Variants in PIGK observed in about 807,000 individuals in gnomAD.
PIGK encodes phosphatidylinositol glycan anchor biosynthesis class K, also known as GPI-anchor transamidase.
PIGK carries 42 observed loss-of-function variants against 50.6 expected under a neutral mutation model. The ratio of observed to expected loss-of-function variants is 0.83; its 90% CI spans 0.65 to 1.07. The LOEUF (loss-of-function observed/expected upper bound fraction) is 1.07. PIGK is among the 50% of genes least tolerant of loss of function. The probability of loss-of-function intolerance (pLI) is 0.00; values close to 1 mark genes in which losing one functional copy is unlikely to be tolerated. For missense variants in PIGK, 448 were observed against 488.7 expected (o/e 0.92, Z 0.78); for synonymous variants, 151 against 156.0 (o/e 0.97, Z 0.24).
chr1:77,150,239 T>C (rs1654864412), intron 9 of PIGK, among the ~76,000 whole-genome samples: 1 of 151,902 alleles, frequency 6.6e-6, no homozygotes, highest in African/African-American at 2.4e-5. Flanking sequence ...AGGATCAGAC[T>C]GGGCGCAGTG....
chr1:77,213,987 G>C (rs55806608), intron 1 of PIGK, among the ~76,000 whole-genome samples: 1,734 of 152,224 alleles, frequency 0.011, 35 homozygotes, highest in African/African-American at 0.039. Flanking sequence ...GAATCAGGAA[G>C]AAAGAGAAAC....
chr1:77,134,322 A>G (rs920084938), intron 9 of PIGK, among the ~76,000 whole-genome samples: 5 of 152,230 alleles, frequency 3.3e-5, no homozygotes, highest in Admixed American at 3.3e-4. Flanking sequence ...CAGTAATACA[A>G]GACTAGTAAA....
At chr1:77,166,087 T>C (rs1194493380) in intron 5 of PIGK, among the ~76,000 whole-genome samples, 1 of 152,120 alleles carries the variant, frequency 6.6e-6, no homozygotes, top group African/African-American at 2.4e-5. Flanking sequence ...AGAAAAAGTA[T>C]TAAGAACTAA....
chr1:77,134,462 T>C (rs1401516011), intron 9 of PIGK, among the ~76,000 whole-genome samples: 1 of 152,082 alleles, frequency 6.6e-6, no homozygotes, highest in African/African-American at 2.4e-5. Flanking sequence ...AGGAAAGTTA[T>C]TTTGAGTGAA....
At chr1:77,107,747 G>T (rs1360891524) in intron 10 of PIGK, among the ~76,000 whole-genome samples, 4 of 152,054 alleles carry the variant, frequency 2.6e-5, no homozygotes, top group African/African-American at 9.7e-5. Context: ...GGTCTCTAAC[G>T]ACTTGCTTTA....
intron 5 of PIGK, among the ~76,000 whole-genome samples, chr1:77,165,778 A>G (rs554942565): frequency 6.6e-6 from 1 of 152,284 alleles, no homozygotes; most frequent in Admixed American, 6.5e-5. Flanking sequence ...GAGAAGAGAA[A>G]TATCTTTAGA....
At chr1:77,098,015 T>C (rs1228551162) in intron 10 of PIGK, among the ~76,000 whole-genome samples, 2 of 152,040 alleles carry the variant, frequency 1.3e-5, no homozygotes, top group African/African-American at 4.8e-5. Context: ...AATGCAAGTG[T>C]AGAAAGACGA....
intron 3 of PIGK, among the ~76,000 whole-genome samples, chr1:77,186,018 A>G (rs1344771336): frequency 6.6e-6 from 1 of 152,212 alleles, no homozygotes; most frequent in Admixed American, 6.5e-5. Flanking sequence ...CCAGCCATAA[A>G]GTAGGTCATG....
At chr1:77,164,531 A>G (rs917013646) in intron 5 of PIGK, among the ~76,000 whole-genome samples, 7 of 152,156 alleles carry the variant, frequency 4.6e-5, no homozygotes, top group Admixed American at 4.6e-4. Context: ...GGTACTTTCA[A>G]CTGGGCATGA....
intron 8 of PIGK, among the ~76,000 whole-genome samples, chr1:77,159,077 G>C (rs1655075506): frequency 6.6e-6 from 1 of 152,060 alleles, no homozygotes; most frequent in South Asian, 2.1e-4. Context: ...GATTTTGTGG[G>C]CTGGGCCTAG....
chr1:77,195,097 G>A, intron 3 of PIGK: 2 of 1,075,100 alleles, frequency 1.9e-6, no homozygotes, highest in Non-Finnish European at 2.8e-6. Flanking sequence ...AGACTGGTGA[G>A]GTGTGGTCAT....
intron 1 of PIGK, among the ~76,000 whole-genome samples, chr1:77,211,111 A>G (rs1173697774): frequency 1.3e-5 from 2 of 151,984 alleles, no homozygotes; most frequent in Non-Finnish European, 2.9e-5. Context: ...ATCTTCTTAC[A>G]TTATATATAT....
intron 10 of PIGK, among the ~76,000 whole-genome samples, chr1:77,118,227 T>C (rs763959375): frequency 2.0e-5 from 3 of 152,300 alleles, no homozygotes; most frequent in African/African-American, 4.8e-5. Flanking sequence ...CACTTTGATA[T>C]CTGCCTTTTC....
At chr1:77,123,883 G>A (rs967902633) in intron 9 of PIGK, among the ~76,000 whole-genome samples, 2 of 152,048 alleles carry the variant, frequency 1.3e-5, no homozygotes, top group African/African-American at 2.4e-5. Flanking sequence ...CTTAGAACGT[G>A]ACTGTATTTG....
At chr1:77,171,436 CAAAAA>C (rs58788160) in intron 3 of PIGK, among the ~76,000 whole-genome samples, 45 of 46,886 alleles carry the variant, frequency 9.6e-4, no homozygotes, top group Admixed American at 5.2e-3. Flanking sequence ...GACTCCACCT[CAAAAA>C]AAAAAAAAAA....
chr1:77,167,843 T>C (rs1207198170), intron 4 of PIGK, among the ~76,000 whole-genome samples: 1 of 152,224 alleles, frequency 6.6e-6, no homozygotes, highest in African/African-American at 2.4e-5. Flanking sequence ...AACTACATTA[T>C]TGCAGCTAAT....
At position 77,163,842 on chromosome 1, in the gene PIGK, T is replaced by C. The variant is rs1375760490; in HGVS notation, c.584+4A>G. 20 of 1,539,492 alleles carry C rather than the reference T, an allele frequency of 1.3e-5. No individual in the cohort carries two copies. In the Admixed American group the frequency reaches 3.2e-4, roughly 25 times the overall value. The stretch of plus-strand genomic sequence containing the variant: ...CTTATGAAAAGAAGTAATTTGCTAA[T>C]TACCGTCTTTTCTGCCACATTTGTT... On this transcript the variant is annotated splice_donor_region_variant and intron_variant, in intron 6 of 10. Coordinates refer to ENST00000370812, the MANE Select transcript of PIGK (RefSeq NM_005482.3).
In PIGK at chr1:77,166,837, G is replaced by T; in HGVS notation, c.376-7C>A. The T allele has an allele frequency of 7.6e-7, 1 of 1,309,356 alleles. No homozygotes were observed. The highest frequency in any genetic ancestry group is 1.1e-6 in the Non-Finnish European group (1 of 920,392). The allele number at this position is 1,309,356 out of a possible 1,614,324, so 81.1% of individuals were successfully genotyped here. ...AAAAATTCTCCACAGTTACCTAAGG[G>T]GGAAAAAACAAGAAAAATCAGATGA... On this transcript the variant is annotated splice_polypyrimidine_tract_variant and splice_region_variant and intron_variant, in intron 4 of 10. Transcript: ENST00000370812.
chr1:77,149,585 T>G (rs1158692921), intron 9 of PIGK, among the ~76,000 whole-genome samples: 1 of 152,034 alleles, frequency 6.6e-6, no homozygotes, highest in Non-Finnish European at 1.5e-5. Flanking sequence ...CATTGCAGTA[T>G]TACCCAAATA....
Sources: gnomAD v4.1 joint callset for allele counts (sites outside exome capture counted in the v4.1 genomes callset) on GRCh38, gnomAD v4.1.1 for gene constraint, MANE v1.5 for transcripts, NCBI Gene and HGNC (gene_info 2026-07-23, HGNC 2026-07-21) for gene names.